The following CAPN14 variants were observed in gnomAD, a reference collection of about 807,000 sequenced individuals.
The protein encoded by CAPN14 is calpain 14.
In CAPN14, 94 loss-of-function variants were observed where a neutral mutation model predicts 101.3. The observed-to-expected ratio is 0.93, with a 90% CI of 0.79 to 1.10. The LOEUF (loss-of-function observed/expected upper bound fraction) is 1.10, where lower values mean the gene tolerates loss of function less well. Ranked by LOEUF, CAPN14 falls within the 50% of genes least tolerant of loss-of-function variation. The probability of loss-of-function intolerance (pLI) is 0.00; values close to 1 mark genes in which losing one functional copy is unlikely to be tolerated. For missense variants in CAPN14, 837 were observed against 828.4 expected, an observed-to-expected ratio of 1.01 and a Z score of -0.13; for synonymous variants, 338 against 317.9, an observed-to-expected ratio of 1.06 and a Z score of -0.67.
chr2:31,227,789 G>C (rs1683068383), intron 1 of CAPN14, among the ~76,000 whole-genome samples: 2 of 152,240 alleles, frequency 1.3e-5, no homozygotes, highest in African/African-American at 4.8e-5. Context: ...CACTGCGTCA[G>C]GCTGAAGACG....
chr2:31,222,701 T>G (rs1682895683), intron 2 of CAPN14, among the ~76,000 whole-genome samples: 2 of 152,192 alleles, frequency 1.3e-5, no homozygotes, highest in South Asian at 2.1e-4. Flanking sequence ...TTTGAGAACC[T>G]TTTAACCCCT....
chr2:31,219,138 C>G (rs1480595639), upstream of CAPN14, among the ~76,000 whole-genome samples: 1 of 152,032 alleles, frequency 6.6e-6, no homozygotes, highest in East Asian at 1.9e-4. Context: ...CACTCTATGT[C>G]TAAGTTGTTG....
At chr2:31,231,503 T>C (rs1683190616) in intron 1 of CAPN14, among the ~76,000 whole-genome samples, 1 of 152,238 alleles carries the variant, frequency 6.6e-6, no homozygotes, top group Admixed American at 6.5e-5. Context: ...CAGTATCTTT[T>C]TTGAATATTA....
chr2:31,207,390 T>G (rs1041488009), intron 1 of CAPN14, among the ~76,000 whole-genome samples: 1 of 152,204 alleles, frequency 6.6e-6, no homozygotes, highest in African/African-American at 2.4e-5. Context: ...GTTCTTTTAT[T>G]TCCGATTTGT....
chr2:31,177,902 A>C, intron 18 of CAPN14, 81 bp from the exon 19 acceptor site: 1 of 957,978 alleles, frequency 1.0e-6, no homozygotes, highest in Non-Finnish European at 1.7e-6. Flanking sequence ...CCTTGTCAGC[A>C]CCGCAGAGGG....
chr2:31,208,827 A>G (rs1682241875), intron 1 of CAPN14, among the ~76,000 whole-genome samples: 1 of 152,188 alleles, frequency 6.6e-6, no homozygotes, highest in Non-Finnish European at 1.5e-5. Flanking sequence ...AAATAAGACT[A>G]TGCAAATAGA....
chr2:31,185,478 T>C (rs1256893265), intron 16 of CAPN14, among the ~76,000 whole-genome samples: 3 of 152,262 alleles, frequency 2.0e-5, no homozygotes, highest in African/African-American at 4.8e-5. Flanking sequence ...TGTTCATAAA[T>C]GCTTTGGAAA....
intron 1 of CAPN14, among the ~76,000 whole-genome samples, chr2:31,214,087 T>C (rs935573854): frequency 6.6e-6 from 1 of 152,186 alleles, no homozygotes; most frequent in Non-Finnish European, 1.5e-5. Context: ...GCGAGAATGG[T>C]ATAGGCTTTT....
intron 7 of CAPN14, among the ~76,000 whole-genome samples, chr2:31,199,131 G>C (rs1302915253): frequency 6.6e-6 from 1 of 152,234 alleles, no homozygotes; most frequent in Non-Finnish European, 1.5e-5. Flanking sequence ...AAGTGTGTCA[G>C]AGAGGAGTAG....
At chr2:31,179,556 C>A (rs1482672973) in intron 17 of CAPN14, among the ~76,000 whole-genome samples, 4 of 152,172 alleles carry the variant, frequency 2.6e-5, no homozygotes, top group Non-Finnish European at 5.9e-5. Flanking sequence ...TTTACAGAAG[C>A]ATGATTTATA....
chr2:31,210,845 G>A (rs74820958), intron 1 of CAPN14, among the ~76,000 whole-genome samples: 6,476 of 152,224 alleles, frequency 0.043, 153 homozygotes, highest in African/African-American at 0.056. Context: ...AACGTATTTA[G>A]TTGTTGCAAA....
rs560686928 is a variant in CAPN14 at position 31,201,781 on chromosome 2, C to A, written c.551+81G>T. 528 of 1,504,788 alleles carry A rather than the reference C, an allele frequency of 3.5e-4. 4 individuals carry two copies. The South Asian group carries it at 4.1e-3, about 12-fold the overall frequency. The allele number at this position is 1,504,788 out of a possible 1,614,324, so 93.2% of individuals were successfully genotyped here. ...TCAGGATCTCATTTCATAAACTTTA[C>A]CTGACTCCACTCCCCTCCCTCAACA... On this transcript the variant is annotated intron_variant, in intron 5 of 21. Coordinates refer to ENST00000403897, the MANE Select transcript of CAPN14 (RefSeq NM_001145122.2).
chr2:31,215,825 T>A (rs1682614564), intron 1 of CAPN14, among the ~76,000 whole-genome samples: 1 of 137,112 alleles, frequency 7.3e-6, no homozygotes, highest in African/African-American at 2.8e-5. Flanking sequence ...AAAAAGTAAG[T>A]CAATTAGAAA....
intron 17 of CAPN14, among the ~76,000 whole-genome samples, chr2:31,180,104 C>G (rs899238347): frequency 6.6e-6 from 1 of 152,062 alleles, no homozygotes; most frequent in Non-Finnish European, 1.5e-5. Flanking sequence ...CCACCACACC[C>G]CATCTCTATT....
rs537449288 is a variant in CAPN14 at position 31,197,255 on chromosome 2, C to G, written c.869G>C (p.Ser290Thr). The change falls in exon 8 of 22, where the codon AGT (serine) becomes ACT (threonine). Residue 290 changes from serine to threonine, a missense_variant. Physicochemically the swap from Ser to Thr is moderately conservative, Grantham distance 58. Coordinates refer to ENST00000403897, the MANE Select transcript of CAPN14 (RefSeq NM_001145122.2). Reference sequence around the variant, plus strand: ...AGATGTCCCCAAAGTTCACCTGTCACTCCAGTCTCCTTTCCATTCCACCTT... The same window carrying G: ...AGATGTCCCCAAAGTTCACCTGTCAGTCCAGTCTCCTTTCCATTCCACCTT... ...WGKVEWKGDW[S>T]DSSSKWELLS... 2.6e-6 allele frequency: 4 copies of G among 1,550,550 alleles called. No individual in the cohort carries two copies. In the African/African-American group the frequency reaches 4.1e-5, roughly 16 times the overall value.
At chr2:31,228,908 C>T (rs1253301482) in intron 1 of CAPN14, among the ~76,000 whole-genome samples, 1 of 152,182 alleles carries the variant, frequency 6.6e-6, no homozygotes, top group Non-Finnish European at 1.5e-5. Flanking sequence ...AACCCCCATG[C>T]ACCTGGCAGG....
rs1680198323 is a variant in CAPN14 at position 31,174,514 on chromosome 2, T to C, written c.*167A>G. Reference sequence around the variant, plus strand: ...CCCTTCCCTTTCTGCATGCTGGCCATGCACGGGGAGGGCTGCAGAAGAGAA... The same window carrying C: ...CCCTTCCCTTTCTGCATGCTGGCCACGCACGGGGAGGGCTGCAGAAGAGAA... On this transcript the variant is annotated 3_prime_UTR_variant, in exon 22 of 22. Coordinates refer to ENST00000403897, the MANE Select transcript of CAPN14 (RefSeq NM_001145122.2). 4.5e-6 allele frequency: 3 copies of C among 659,972 alleles called. No individual in the cohort carries two copies. The East Asian group carries it at 8.2e-5, about 18-fold the overall frequency. The allele number at this position is 659,972 out of a possible 1,614,324, so 40.9% of individuals were successfully genotyped here.
chr2:31,232,101 G>A (rs1558643872), intron 1 of CAPN14, among the ~76,000 whole-genome samples: 1 of 152,106 alleles, frequency 6.6e-6, no homozygotes, highest in Non-Finnish European at 1.5e-5. Context: ...TGAAATCCCT[G>A]CAGCTTCACC....
At chr2:31,232,593 G>A (rs1219601926) in intron 1 of CAPN14, among the ~76,000 whole-genome samples, 3 of 152,210 alleles carry the variant, frequency 2.0e-5, no homozygotes, top group Non-Finnish European at 2.9e-5. Flanking sequence ...TCATAAGGCG[G>A]CAGGAGAGAG....
Sources: gnomAD v4.1 joint callset for allele counts (sites outside exome capture counted in the v4.1 genomes callset) on GRCh38, gnomAD v4.1.1 for gene constraint, MANE v1.5 for transcripts, NCBI Gene and HGNC (gene_info 2026-07-23, HGNC 2026-07-21) for gene names.